The following TRIM24 variants were observed in gnomAD, a reference collection of about 807,000 sequenced individuals.
The protein encoded by TRIM24 is tripartite motif containing 24.
TRIM24 carries 29 observed loss-of-function variants against 123.9 expected under a neutral mutation model. The observed-to-expected ratio is 0.23, with a 90% CI of 0.17 to 0.32. The LOEUF (loss-of-function observed/expected upper bound fraction) is 0.32. Ranked by LOEUF, TRIM24 falls within the 10% of genes least tolerant of loss-of-function variation. The probability of loss-of-function intolerance (pLI) is 1.00; values close to 1 mark genes in which losing one functional copy is unlikely to be tolerated. For synonymous variants in TRIM24, 456 were observed against 461.1 expected, an observed-to-expected ratio of 0.99 and a Z score of 0.14; for missense variants, 932 against 1,295.3, an observed-to-expected ratio of 0.72 and a Z score of 4.31.
chr7:138,532,305 A>G (rs1796765218), intron 6 of TRIM24, among the ~76,000 whole-genome samples: 1 of 151,974 alleles, frequency 6.6e-6, no homozygotes, highest in African/African-American at 2.4e-5. Context: ...CTATTTCCTG[A>G]ATGGTATTGC....
At chr7:138,468,928 C>G (rs571888118) in intron 1 of TRIM24, among the ~76,000 whole-genome samples, 7 of 152,350 alleles carry the variant, frequency 4.6e-5, no homozygotes, top group Admixed American at 3.9e-4. Flanking sequence ...GCTGTAGCTC[C>G]ATGAACCATG....
At chr7:138,519,687 A>G (rs906710276) in intron 4 of TRIM24, among the ~76,000 whole-genome samples, 2 of 152,200 alleles carry the variant, frequency 1.3e-5, no homozygotes, top group African/African-American at 4.8e-5. Context: ...CTGTTTTAAA[A>G]TATATAGAAC....
At chr7:138,487,080 A>G (rs1234357634) in intron 1 of TRIM24, among the ~76,000 whole-genome samples, 3 of 151,944 alleles carry the variant, frequency 2.0e-5, no homozygotes, top group East Asian at 1.9e-4. Context: ...ATTCCTAGGT[A>G]TTTTATTCTC....
chr7:138,557,553 G>T (rs1797340007), intron 9 of TRIM24, among the ~76,000 whole-genome samples: 1 of 152,178 alleles, frequency 6.6e-6, no homozygotes, highest in East Asian at 1.9e-4. Context: ...TCCTCTGAGG[G>T]ATGAAAACCA....
intron 9 of TRIM24, among the ~76,000 whole-genome samples, chr7:138,557,983 T>C (rs1797350507): frequency 6.6e-6 from 1 of 152,206 alleles, no homozygotes; most frequent in African/African-American, 2.4e-5. Context: ...ATTCCTATGG[T>C]TATGCCCCTT....
Position 138,585,727 on chromosome 7 carries a change from C to T in TRIM24, c.*776C>T, listed in dbSNP as rs1326265934. The stretch of plus-strand genomic sequence containing the variant: ...AGGGAAGTATATACATTTGGGTTTG[C>T]TGTGTGTCTATGTGAGGTTTAATTG... On this transcript the variant is annotated 3_prime_UTR_variant, in exon 19 of 19. Transcript: ENST00000343526. 8.2e-6 allele frequency: 4 copies of T among 486,068 alleles called. No individual in the cohort carries two copies. Among genetic ancestry groups the T allele is most frequent in the African/African-American group, 2.0e-5 (1 of 50,706 alleles). 30.1% of individuals were successfully genotyped at this position (486,068 alleles called of 1,614,324 possible).
At chr7:138,550,334 T>A (rs527871537) in intron 7 of TRIM24, among the ~76,000 whole-genome samples, 1 of 151,966 alleles carries the variant, frequency 6.6e-6, no homozygotes, top group African/African-American at 2.4e-5. Context: ...TGTGTGTGTG[T>A]GTGTGTGTGT....
intron 11 of TRIM24, among the ~76,000 whole-genome samples, chr7:138,572,709 G>A (rs1797682644): frequency 6.6e-6 from 1 of 152,182 alleles, no homozygotes; most frequent in Non-Finnish European, 1.5e-5. Context: ...GGTTGAACAA[G>A]AGTAGAACTA....
intron 5 of TRIM24, among the ~76,000 whole-genome samples, chr7:138,526,683 T>C (rs1050175677): frequency 2.6e-5 from 4 of 152,186 alleles, no homozygotes; most frequent in African/African-American, 4.8e-5. Context: ...AGCACTGGGA[T>C]TACAGGCGTG....
chr7:138,560,053 A>G (rs1352959359), intron 9 of TRIM24, among the ~76,000 whole-genome samples: 1 of 152,172 alleles, frequency 6.6e-6, no homozygotes, highest in African/African-American at 2.4e-5. Flanking sequence ...CAACCGAACA[A>G]GATCTCATAG....
intron 6 of TRIM24, 112 bp downstream of exon 6, chr7:138,529,342 T>A (rs938667765): frequency 1.2e-4 from 67 of 562,290 alleles, no homozygotes; most frequent in Middle Eastern, 3.7e-4. Flanking sequence ...GATTTAATAT[T>A]TTTTTTTCCC....
intron 4 of TRIM24, among the ~76,000 whole-genome samples, chr7:138,521,340 A>G (rs1796500329): frequency 6.6e-6 from 1 of 152,210 alleles, no homozygotes; most frequent in South Asian, 2.1e-4. Context: ...CTAAAAGGGT[A>G]TGGAATTTAT....
intron 9 of TRIM24, among the ~76,000 whole-genome samples, chr7:138,555,852 GT>G: frequency 6.6e-6 from 1 of 152,164 alleles, no homozygotes; most frequent in South Asian, 2.1e-4. Flanking sequence ...AACCATAACA[GT>G]TTAGGAGGGG....
chr7:138,486,049 G>C (rs985128910), intron 1 of TRIM24, among the ~76,000 whole-genome samples: 1 of 152,116 alleles, frequency 6.6e-6, no homozygotes, highest in Non-Finnish European at 1.5e-5. Flanking sequence ...GTGTGAGATG[G>C]TATCTCATTG....
At chr7:138,531,211 G>A (rs959449559) in intron 6 of TRIM24, among the ~76,000 whole-genome samples, 16 of 145,572 alleles carry the variant, frequency 1.1e-4, no homozygotes, top group South Asian at 2.1e-4. Flanking sequence ...ACATGTATAC[G>A]TGTATGTTAC....
chr7:138,548,805 C>T (rs182244431), intron 7 of TRIM24, among the ~76,000 whole-genome samples: 2 of 152,182 alleles, frequency 1.3e-5, no homozygotes, highest in Non-Finnish European at 2.9e-5. Flanking sequence ...TATTTTAAAA[C>T]CTTTTGTTAA....
chr7:138,531,205 G>A (rs1478962056), intron 6 of TRIM24, among the ~76,000 whole-genome samples: 2 of 146,374 alleles, frequency 1.4e-5, no homozygotes, highest in Non-Finnish European at 2.9e-5. Context: ...ATGTATACAT[G>A]TATACGTGTA....
intron 14 of TRIM24, among the ~76,000 whole-genome samples, chr7:138,578,329 T>C (rs947582959): frequency 2.6e-5 from 4 of 152,148 alleles, no homozygotes; most frequent in African/African-American, 9.7e-5. Context: ...AACTAAAAAC[T>C]GTGATGCAAT....
At chr7:138,493,916 A>G (rs1346285832) in intron 1 of TRIM24, among the ~76,000 whole-genome samples, 1 of 151,878 alleles carries the variant, frequency 6.6e-6, no homozygotes, top group Non-Finnish European at 1.5e-5. Flanking sequence ...TCCATCTTCC[A>G]TTTTTCCCCT....
Sources: allele counts gnomAD v4.1 joint callset (sites outside exome capture counted in the v4.1 genomes callset), GRCh38; gene constraint gnomAD v4.1.1; transcripts MANE v1.5; gene names NCBI Gene and HGNC (gene_info 2026-07-23, HGNC 2026-07-21).